The following B3GAT1 variants were observed in gnomAD, a reference collection of about 807,000 sequenced individuals.
B3GAT1 encodes beta-1,3-glucuronyltransferase 1, also known as galactosylgalactosylxylosylprotein 3-beta-glucuronosyltransferase 1.
Under a neutral mutation model 28.4 loss-of-function variants are expected in B3GAT1, and 11 were observed. The ratio of observed to expected loss-of-function variants is 0.39; its 90% confidence interval spans 0.24 to 0.64. B3GAT1 has a LOEUF of 0.64. Ranked by LOEUF, B3GAT1 falls within the 30% of genes least tolerant of loss-of-function variation. The pLI, the probability that B3GAT1 is intolerant of heterozygous loss-of-function variation, is 0.50. For synonymous variants in B3GAT1, 255 were observed against 223.1 expected, an observed-to-expected ratio of 1.14 and a Z score of -1.27; for missense variants, 375 against 491.0, an observed-to-expected ratio of 0.76 and a Z score of 2.23.
intron 1 of B3GAT1, among the ~76,000 whole-genome samples, chr11:134,395,276 G>C (rs1289067068): frequency 6.6e-6 from 1 of 152,240 alleles, no homozygotes; most frequent in Admixed American, 6.5e-5. Flanking sequence ...GCCGGAGAGG[G>C]AGCGGCAGCT....
chr11:134,395,855 G>A (rs1249453976), intron 1 of B3GAT1, among the ~76,000 whole-genome samples: 2 of 152,206 alleles, frequency 1.3e-5, no homozygotes, highest in East Asian at 1.9e-4. Flanking sequence ...AGGGTCAGGA[G>A]TCCAGGGTCT....
intron 2 of B3GAT1, chr11:134,387,205 A>G: frequency 3.5e-6 from 1 of 285,384 alleles, no homozygotes; most frequent in Non-Finnish European, 6.6e-6. Flanking sequence ...CACTCCCTCC[A>G]CTTCCCACCT....
rs778850337 is a variant in B3GAT1 at position 134,387,735 on chromosome 11, G to A, written c.-76C>T. 1.9e-6 allele frequency: 3 copies of A among 1,591,332 alleles called. No individual in the cohort carries two copies. The highest frequency in any genetic ancestry group is 2.6e-6 in the Non-Finnish European group (3 of 1,169,588). ...TTCAGGAGAGGGGCGGCCACGGGCG[G>A]CGGCAGCACAGGGGAGAAAAGAACA... On this transcript the variant is annotated 5_prime_UTR_variant, in exon 2 of 6. Transcript: ENST00000312527.
Position 134,380,569 on chromosome 11 carries a change from G to A in B3GAT1, c.*193C>T, listed in dbSNP as rs765446506. ...GTCACGCTGGATGGAGAGAACAACA[G>A]GTCTGGGATTTCTGTGCTTAAATTC... On this transcript the variant is annotated 3_prime_UTR_variant, in exon 6 of 6. Transcript: ENST00000312527. 4 of 152,718 alleles carry A rather than the reference G, an allele frequency of 2.6e-5. No individual in the cohort carries two copies. Among genetic ancestry groups the A allele is most frequent in the Non-Finnish European group, 5.9e-5 (4 of 68,090 alleles). The allele number at this position is 152,718 out of a possible 1,614,324, so 9.5% of individuals were successfully genotyped here. A position where few individuals can be genotyped will look rare whatever the true frequency, so the allele number is the denominator to read the frequency against.
At position 134,379,284 on chromosome 11, in the gene B3GAT1, G is replaced by A. The variant is rs186085326; in HGVS notation, c.*1478C>T. 12 of 151,834 alleles carry A rather than the reference G, an allele frequency of 7.9e-5. No individual in the cohort carries two copies. The East Asian group carries it at 2.0e-3, about 25-fold the overall frequency. 9.4% of individuals were successfully genotyped at this position (151,834 alleles called of 1,614,324 possible). On this transcript the variant is annotated 3_prime_UTR_variant, in exon 6 of 6. Coordinates refer to ENST00000312527, the MANE Select transcript of B3GAT1 (RefSeq NM_054025.3). Reference sequence around the variant, plus strand: ...ATGGCCCTCAGACCTCTCCTGGTGAGTCTTAATGGGGTGGGAGGCTGTTAG... The same window carrying A: ...ATGGCCCTCAGACCTCTCCTGGTGAATCTTAATGGGGTGGGAGGCTGTTAG...
At chr11:134,405,744 G>A (rs985488494) in intron 1 of B3GAT1, among the ~76,000 whole-genome samples, 1 of 124,016 alleles carries the variant, frequency 8.1e-6, no homozygotes, top group African/African-American at 2.7e-5. Context: ...ACAGGAGCAG[G>A]GCTGCTCTGG....
chr11:134,387,460 G>A, intron 2 of B3GAT1, 88 bp downstream of exon 2: 1 of 1,539,382 alleles, frequency 6.5e-7, no homozygotes, highest in Non-Finnish European at 8.8e-7. Flanking sequence ...GCTGCTAAGT[G>A]AGTGCAAGCA....
intron 1 of B3GAT1, among the ~76,000 whole-genome samples, chr11:134,408,984 G>A (rs1346078880): frequency 6.6e-6 from 1 of 152,154 alleles, no homozygotes; most frequent in Admixed American, 6.5e-5. Flanking sequence ...AGTGGGATTG[G>A]CTCCAGGGCT....
In B3GAT1 at chr11:134,384,204, A is replaced by G; in HGVS notation, c.113-16T>C. On this transcript the variant is annotated splice_polypyrimidine_tract_variant and intron_variant, in intron 2 of 5. Transcript: ENST00000312527. Reference sequence around the variant, plus strand: ...CTGCCCTCATCTGCGGAGTCGGGAGACCGGCGATGTGGGAGGAGAGCGCCG... The same window carrying G: ...CTGCCCTCATCTGCGGAGTCGGGAGGCCGGCGATGTGGGAGGAGAGCGCCG... 1 of 1,522,934 alleles carries G rather than the reference A, an allele frequency of 6.6e-7. No homozygotes were observed. Among genetic ancestry groups the G allele is most frequent in the South Asian group, 1.2e-5 (1 of 80,248 alleles). The allele number at this position is 1,522,934 out of a possible 1,614,324, so 94.3% of individuals were successfully genotyped here.
chr11:134,394,609 G>A (rs1184038134), intron 1 of B3GAT1, among the ~76,000 whole-genome samples: 8 of 152,334 alleles, frequency 5.3e-5, no homozygotes, highest in Admixed American at 3.3e-4. Context: ...CCCTGCCCTC[G>A]CCTTGCTCAT....
chr11:134,410,788 G>T (rs1248849962), intron 1 of B3GAT1, among the ~76,000 whole-genome samples: 1 of 152,202 alleles, frequency 6.6e-6, no homozygotes, highest in African/African-American at 2.4e-5. Flanking sequence ...AACACATCCA[G>T]GCATTGCACA....
chr11:134,408,348 G>C (rs5020293), intron 1 of B3GAT1, among the ~76,000 whole-genome samples: 4 of 88,374 alleles, frequency 4.5e-5, no homozygotes, highest in African/African-American at 9.5e-5. Flanking sequence ...GGGACAGCCT[G>C]CACCGATTCC....
At chr11:134,388,958 T>C (rs1313711903) in intron 1 of B3GAT1, 2 of 152,250 alleles carry the variant, frequency 1.3e-5, no homozygotes, top group Non-Finnish European at 2.9e-5. Flanking sequence ...TTATTTTCCT[T>C]TGGATACATA....
chr11:134,404,027 A>ATATATATTTATTTATT lies in B3GAT1; in HGVS notation c.-282+7779_-282+7780insAATAAATAAATATATA, dbSNP rs1555098477. Reference sequence around the variant, plus strand: ...TATATATATATATATATATATATATATATTTATTATACGTTAAGTTCTAGG... The same window carrying ATATATATTTATTTATT: ...TATATATATATATATATATATATATATATATATTTATTTATTTATTTATTATACGTTAAGTTCTAGG... On this transcript the variant is annotated intron_variant, in intron 1 of 5. Transcript: ENST00000312527. Among the ~76,000 whole-genome samples the ATATATATTTATTTATT allele has an allele frequency of 1.5e-4, 16 of 106,750 alleles. 1 individual carries two copies. Among genetic ancestry groups the ATATATATTTATTTATT allele is most frequent in the African/African-American group, 5.8e-4 (15 of 25,920 alleles). 70.0% of individuals were successfully genotyped at this position (106,750 alleles called of 152,430 possible).
At position 134,387,775 on chromosome 11, in the gene B3GAT1, C is replaced by T. The variant is rs953837566; in HGVS notation, c.-116G>A. ...AGAAAAGAACAGGCATGGGCCGGGC[C>T]GGCCAGGCATGGAGAGGACAGAGCA... is the stretch of plus-strand genomic sequence containing the variant. On this transcript the variant is annotated 5_prime_UTR_variant, in exon 2 of 6. Transcript: ENST00000312527. The T allele has an allele frequency of 3.7e-5, 57 of 1,547,364 alleles. No individual in the cohort carries two copies. Among genetic ancestry groups the T allele is most frequent in the Non-Finnish European group, 4.7e-5 (54 of 1,149,316 alleles).
rs1229449843 is a variant in B3GAT1 at position 134,383,811 on chromosome 11, G to A, written c.490C>T (p.Pro164Ser). The change falls in exon 3 of 6, where the codon CCG (proline) becomes TCG (serine). Residue 164 changes from proline (P) to serine (S), a missense_variant. Transcript: ENST00000312527. ...LRGDARDPRI[P>S]RGTMQRNLAL... is the part of the protein sequence containing the mutation. ...AGGTTGCGCTGCATGGTGCCCCGCGGGATGCGTGGGTCGCGGGCGTCTCCG... is the reference window on the plus strand; with the variant it reads ...AGGTTGCGCTGCATGGTGCCCCGCGAGATGCGTGGGTCGCGGGCGTCTCCG... 1.3e-6 allele frequency: 2 copies of A among 1,596,676 alleles called. No homozygotes were observed. The highest frequency in any genetic ancestry group is 1.1e-5 in the South Asian group (1 of 89,012).
rs1944164916 is a variant in B3GAT1 at position 134,382,793 on chromosome 11, T to C, written c.835A>G (p.Lys279Glu). 1 of 1,614,196 alleles carries C rather than the reference T, an allele frequency of 6.2e-7. No individual in the cohort carries two copies. Among genetic ancestry groups the C allele is most frequent in the Non-Finnish European group, 8.5e-7 (1 of 1,180,036 alleles). ...SQAYFKLRGV[K>E]GGYQESSLLR... ...AGGCTGCTTTCCTGGTAGCCTCCCT[T>C]CACACCTCGCAGCTTGAAGTAGGCC... Residue 279 changes from lysine (K) to glutamate (E), a missense_variant, in exon 4 of 6, where the codon AAG becomes GAG. Coordinates refer to ENST00000312527, the MANE Select transcript of B3GAT1 (RefSeq NM_054025.3).
At chr11:134,401,288 A>G (rs1257680973) in intron 1 of B3GAT1, among the ~76,000 whole-genome samples, 2 of 152,218 alleles carry the variant, frequency 1.3e-5, no homozygotes, top group African/African-American at 4.8e-5. Context: ...ACTCATGTTT[A>G]TCGCAGCACT....
chr11:134,385,461 T>C (rs1944255803), intron 2 of B3GAT1: 1 of 152,290 alleles, frequency 6.6e-6, no homozygotes, highest in Non-Finnish European at 1.5e-5. Flanking sequence ...TTGCTGAGGG[T>C]CGGGGGAGGA....
Sources: allele counts gnomAD v4.1 joint callset (sites outside exome capture counted in the v4.1 genomes callset), GRCh38; gene constraint gnomAD v4.1.1; transcripts MANE v1.5; gene names NCBI Gene and HGNC (gene_info 2026-07-23, HGNC 2026-07-21).